Variants in MICAL3 observed in about 807,000 individuals in gnomAD.
MICAL3 encodes the protein [F-actin]-monooxygenase MICAL3.
MICAL3 carries 62 observed loss-of-function variants against 207.4 expected under a neutral mutation model. The ratio of observed to expected loss-of-function variants is 0.30; its 90% CI spans 0.24 to 0.37. MICAL3 has a LOEUF of 0.37. MICAL3 is among the 10% of genes least tolerant of loss of function. The probability of loss-of-function intolerance (pLI) is 1.00; values close to 1 mark genes in which losing one functional copy is unlikely to be tolerated. For missense variants in MICAL3, 2,368 were observed against 2,635.6 expected, an observed-to-expected ratio of 0.90 and a Z score of 2.22; for synonymous variants, 1,077 against 1,069.3, an observed-to-expected ratio of 1.01 and a Z score of -0.14.
rs146127465 is a variant in MICAL3 at position 17,968,291 on chromosome 22, GAAA to G, written c.-75+55987_-75+55989del. Among the ~76,000 whole-genome samples, 1,424 of 152,178 alleles carry G rather than the reference GAAA, an allele frequency of 9.4e-3. 10 individuals are homozygous for G. The highest frequency in any genetic ancestry group is 0.012 in the Non-Finnish European group (819 of 68,028). On this transcript the variant is annotated intron_variant, in intron 1 of 31. Transcript: ENST00000441493. ...CTCTGTGGAAGCGTTGGGGGAGGGA[GAAA>G]AGCCTAGCAACCTTGCCAGAGCTCA...
chr22:17,931,945 G>A (rs1244941265), intron 1 of MICAL3, among the ~76,000 whole-genome samples: 1 of 152,204 alleles, frequency 6.6e-6, no homozygotes, highest in African/African-American at 2.4e-5. Flanking sequence ...ACTTACAGTG[G>A]TGAATGGAAA....
At chr22:18,011,419 C>G (rs1335442086) in intron 1 of MICAL3, among the ~76,000 whole-genome samples, 1 of 152,104 alleles carries the variant, frequency 6.6e-6, no homozygotes, top group Non-Finnish European at 1.5e-5. Context: ...GTGGCACACG[C>G]CTGTAATCCC....
chr22:17,897,043 T>C, intron 7 of MICAL3, 62 bp from the exon 8 acceptor site: 2 of 1,529,256 alleles, frequency 1.3e-6, no homozygotes, highest in Non-Finnish European at 1.8e-6. Context: ...CAGAACCATG[T>C]TACACAACCC....
At chr22:17,969,912 G>A (rs537788529) in intron 1 of MICAL3, among the ~76,000 whole-genome samples, 2 of 152,324 alleles carry the variant, frequency 1.3e-5, no homozygotes, top group East Asian at 3.9e-4. Flanking sequence ...TGGAATGAGT[G>A]TGAGGGCCTC....
chr22:17,798,751 G>A (rs2061904261), intron 29 of MICAL3, among the ~76,000 whole-genome samples: 1 of 143,790 alleles, frequency 7.0e-6, no homozygotes, highest in East Asian at 2.1e-4. Flanking sequence ...TCGGCTCACT[G>A]CAAGCTCCGC....
chr22:17,866,678 A>AAT lies in MICAL3; in HGVS notation c.2429-668_2429-667dup, dbSNP rs1275518455. On this transcript the variant is annotated intron_variant, in intron 17 of 31. Coordinates refer to ENST00000441493, the MANE Select transcript of MICAL3 (RefSeq NM_015241.3). ...TAGAATAGAATAGAATATAGAATAGAATAGAATAGAATCCAGAGTGTACTG... is the reference window on the plus strand; with the variant it reads ...TAGAATAGAATAGAATATAGAATAGAATATAGAATAGAATCCAGAGTGTACTG... Among the ~76,000 whole-genome samples, 13 of 149,284 alleles carry AAT rather than the reference A, an allele frequency of 8.7e-5. 1 individual carries two copies. Among genetic ancestry groups the AAT allele is most frequent in the African/African-American group, 2.8e-4 (11 of 39,664 alleles).
At chr22:17,989,074 C>T (rs1478595667) in intron 1 of MICAL3, among the ~76,000 whole-genome samples, 1 of 152,224 alleles carries the variant, frequency 6.6e-6, no homozygotes, top group East Asian at 1.9e-4. Context: ...TGACCTAAAA[C>T]TCGACTTCCG....
intron 1 of MICAL3, among the ~76,000 whole-genome samples, chr22:17,915,926 AC>A (rs1272897207): frequency 2.0e-5 from 3 of 151,936 alleles, no homozygotes. Flanking sequence ...CCTCATCTCT[AC>A]AAAAAATTAA....
chr22:17,876,642 G>A (rs549603699), intron 16 of MICAL3: 45 of 152,770 alleles, frequency 2.9e-4, no homozygotes, highest in Admixed American at 1.1e-3. Context: ...GGGGAGGAGT[G>A]GGGGACTGGG....
chr22:17,977,595 C>A (rs1013838173), intron 1 of MICAL3, among the ~76,000 whole-genome samples: 5 of 151,760 alleles, frequency 3.3e-5, no homozygotes, highest in Non-Finnish European at 4.4e-5. Flanking sequence ...AAACTGGAAC[C>A]CTCCTATGTT....
intron 16 of MICAL3, chr22:17,875,468 G>C: frequency 6.4e-7 from 1 of 1,560,712 alleles, no homozygotes; most frequent in Non-Finnish European, 8.7e-7. Context: ...AGTCGGAGGA[G>C]GGAGAGGCGG....
intron 17 of MICAL3, among the ~76,000 whole-genome samples, chr22:17,871,093 C>T (rs1425230846): frequency 1.3e-5 from 2 of 152,214 alleles, no homozygotes; most frequent in Non-Finnish European, 2.9e-5. Context: ...ATAAGACTGC[C>T]TCCCACGAAG....
chr22:17,925,270 T>C (rs1242837421), intron 1 of MICAL3, among the ~76,000 whole-genome samples: 1 of 152,172 alleles, frequency 6.6e-6, no homozygotes, highest in Non-Finnish European at 1.5e-5. Context: ...GCAGGGCTTC[T>C]GGCTCCCCAA....
At chr22:17,869,986 T>C (rs867535114) in intron 17 of MICAL3, among the ~76,000 whole-genome samples, 3 of 152,188 alleles carry the variant, frequency 2.0e-5, no homozygotes, top group Non-Finnish European at 4.4e-5. Context: ...ACTTGGCAAC[T>C]TGGATAAAAA....
chr22:17,918,760 A>C (rs1315537715), intron 1 of MICAL3, among the ~76,000 whole-genome samples: 5 of 151,936 alleles, frequency 3.3e-5, no homozygotes, highest in Admixed American at 1.3e-4. Flanking sequence ...CTCTCACCTC[A>C]GCCTCCGCAT....
chr22:18,018,493 G>A (rs1209041405), intron 1 of MICAL3, among the ~76,000 whole-genome samples: 5 of 152,214 alleles, frequency 3.3e-5, no homozygotes, highest in Admixed American at 2.0e-4. Context: ...GGAGGCCAAG[G>A]CAGGTGGATC....
At chr22:17,816,873 G>T in intron 26 of MICAL3, 89 bp from the exon 27 acceptor site, 1 of 943,156 alleles carries the variant, frequency 1.1e-6, no homozygotes, top group Non-Finnish European at 1.6e-6. Context: ...CAGCCAAGGA[G>T]GCCGGGTGGG....
At position 17,906,668 on chromosome 22, in the gene MICAL3, A is replaced by G. The variant is rs1602193818; in HGVS notation, c.145T>C (p.Phe49Leu). 1 of 1,613,950 alleles carries G rather than the reference A, an allele frequency of 6.2e-7. No homozygotes were observed. Among genetic ancestry groups the G allele is most frequent in the African/African-American group, 1.3e-5 (1 of 75,038 alleles). The change falls in exon 2 of 32, where the codon TTC becomes CTC. Residue 49 changes from phenylalanine (F) to leucine (L), a missense_variant. This residue lies in a region of MICAL3 where 400 missense variants were observed against 547.0 expected (regional missense o/e 0.73). Coordinates refer to ENST00000441493, the MANE Select transcript of MICAL3 (RefSeq NM_015241.3). Reference protein sequence around the residue: ...LELKPKDYRSFYHKLKSKLNY... With the variant: ...LELKPKDYRSLYHKLKSKLNY... ...AGCTTGGACTTGAGCTTGTGATAGAAGGAGCGGTAGTCCTTTGGCTTTAGT... is the reference window on the plus strand; with the variant it reads ...AGCTTGGACTTGAGCTTGTGATAGAGGGAGCGGTAGTCCTTTGGCTTTAGT...
chr22:17,843,365 G>A (rs1282539124), intron 19 of MICAL3, among the ~76,000 whole-genome samples: 4 of 152,248 alleles, frequency 2.6e-5, no homozygotes, highest in South Asian at 2.1e-4. Context: ...AGAGGAGGCT[G>A]TCATGAGTCC....
Sources: allele counts gnomAD v4.1 joint callset (sites outside exome capture counted in the v4.1 genomes callset), GRCh38; gene constraint gnomAD v4.1.1; regional missense constraint gnomAD v4.1.1; transcripts MANE v1.5; gene names NCBI Gene and HGNC (gene_info 2026-07-23, HGNC 2026-07-21).